PTPN13: variants seen among roughly 807,000 people sequenced by gnomAD.
PTPN13 encodes tyrosine-protein phosphatase non-receptor type 13.
PTPN13 carries 191 observed loss-of-function variants against 284.0 expected under a neutral mutation model. That is an observed-to-expected ratio of 0.67 (90% CI 0.60 to 0.76). PTPN13 has a LOEUF of 0.76. PTPN13 is among the 30% of genes least tolerant of loss of function. The pLI, the probability that PTPN13 is intolerant of heterozygous loss-of-function variation, is 0.00. For synonymous variants in PTPN13, 986 were observed against 1,022.3 expected, an observed-to-expected ratio of 0.96 and a Z score of 0.68; for missense variants, 2,797 against 2,939.9, an observed-to-expected ratio of 0.95 and a Z score of 1.12.
Position 86,735,762 on chromosome 4 carries a change from T to C in PTPN13, c.2304+16T>C, listed in dbSNP as rs759131069. The C allele has an allele frequency of 1.5e-5, 24 of 1,601,044 alleles. No individual in the cohort carries two copies. The Admixed American group carries it at 1.7e-4, about 12-fold the overall frequency. ...ATTTTTAAAGGTAAGCATCCAAGATTACAAATGATAAGCTTTGTATCTTTT... is the reference window on the plus strand; with the variant it reads ...ATTTTTAAAGGTAAGCATCCAAGATCACAAATGATAAGCTTTGTATCTTTT... On this transcript the variant is annotated intron_variant, in intron 15 of 47. Transcript: ENST00000411767.
chr4:86,695,050 G>A (rs1730460548), intron 6 of PTPN13, among the ~76,000 whole-genome samples: 1 of 152,124 alleles, frequency 6.6e-6, no homozygotes, highest in African/African-American at 2.4e-5. Flanking sequence ...TGAGAGGAAG[G>A]AATGTGTAAG....
chr4:86,719,986 T>C (rs1265128431), intron 9 of PTPN13, among the ~76,000 whole-genome samples: 1 of 152,220 alleles, frequency 6.6e-6, no homozygotes, highest in Non-Finnish European at 1.5e-5. Flanking sequence ...AAGCCAATAT[T>C]GAATTGCACT....
At chr4:86,758,904 C>G (rs773214361) in intron 22 of PTPN13, 38 bp from the exon 23 acceptor site, 2 of 1,599,248 alleles carry the variant, frequency 1.3e-6, no homozygotes, top group South Asian at 2.3e-5. Flanking sequence ...ATAAATGTAT[C>G]TTTGTTGTTG....
chr4:86,801,250 A>T (rs961745184), intron 42 of PTPN13, among the ~76,000 whole-genome samples: 2 of 152,258 alleles, frequency 1.3e-5, no homozygotes, highest in African/African-American at 4.8e-5. Flanking sequence ...ACCAGGGATA[A>T]CTGGCCCTGA....
intron 27 of PTPN13, among the ~76,000 whole-genome samples, chr4:86,767,553 T>TA (rs1327878795): frequency 6.6e-6 from 1 of 152,106 alleles, no homozygotes; most frequent in Non-Finnish European, 1.5e-5. Flanking sequence ...GCCATTATCA[T>TA]ACATTTCTAA....
rs180783777 is a variant in PTPN13 at position 86,806,028 on chromosome 4, A to T, written c.6745+659A>T. On this transcript the variant is annotated intron_variant, in intron 44 of 47. Transcript: ENST00000411767. ...AGAAATTAGCCGAGAGTGGTGGCTCATGCTTATAATCCCAGCTACTTGGGA... is the reference window on the plus strand; with the variant it reads ...AGAAATTAGCCGAGAGTGGTGGCTCTTGCTTATAATCCCAGCTACTTGGGA... Among the ~76,000 whole-genome samples, 9 of 152,118 alleles carry T rather than the reference A, an allele frequency of 5.9e-5. No individual in the cohort carries two copies. In the East Asian group the frequency reaches 1.2e-3, roughly 20 times the overall value.
chr4:86,595,276 C>T (rs1473989925), intron 1 of PTPN13, among the ~76,000 whole-genome samples: 3 of 151,468 alleles, frequency 2.0e-5, no homozygotes, highest in Non-Finnish European at 2.9e-5. Context: ...GGTGGGATGG[C>T]GGGGAAGCAG....
At chr4:86,714,536 TG>T (rs553483620) in intron 7 of PTPN13, among the ~76,000 whole-genome samples, 115 of 152,034 alleles carry the variant, frequency 7.6e-4, no homozygotes, top group African/African-American at 2.7e-3. Context: ...CATTCTTCTG[TG>T]GGGGGGAAAA....
chr4:86,742,987 C>G (rs1487656049), intron 16 of PTPN13, among the ~76,000 whole-genome samples: 1 of 152,066 alleles, frequency 6.6e-6, no homozygotes, highest in African/African-American at 2.4e-5. Flanking sequence ...GAAATTATTC[C>G]TATATTTAAT....
At chr4:86,701,905 C>T in intron 7 of PTPN13, 104 bp downstream of exon 7, 1 of 1,179,486 alleles carries the variant, frequency 8.5e-7, no homozygotes. Flanking sequence ...ATTTTCACTG[C>T]CAAATTTTTG....
intron 2 of PTPN13, among the ~76,000 whole-genome samples, chr4:86,662,952 A>T (rs1726677438): frequency 6.6e-6 from 1 of 152,142 alleles, no homozygotes; most frequent in Admixed American, 6.5e-5. Flanking sequence ...AAGTTTGAGG[A>T]TGCAGCCAGC....
rs372526415 is a variant in PTPN13, at chr4:86,807,652, A to G, written c.6838A>G (p.Ile2280Val). 7.5e-5 allele frequency: 121 copies of G among 1,614,016 alleles called. 1 individual carries two copies. The African/African-American group carries it at 1.2e-3, about 15-fold the overall frequency. Residue 2280 changes from isoleucine (I) to valine (V), a missense_variant, in exon 45 of 48, where the codon ATT becomes GTT. By Grantham distance (29) the Ile-to-Val change is conservative. Transcript: ENST00000411767. ...AGTTGGGAAAGAAGAGTTCGTTTAC[A>G]TTGCCTGCCAAGGACCACTGCCTAC... Reference protein sequence around the residue: ...IPVGKEEFVYIACQGPLPTTV... With the variant: ...IPVGKEEFVYVACQGPLPTTV...
Position 86,701,332 on chromosome 4 carries a change from A to G in PTPN13, c.726A>G (p.Gly242=), listed in dbSNP as rs1731133350. 6.2e-7 allele frequency: 1 copy of G among 1,612,400 alleles called. No homozygotes were observed. The highest frequency in any genetic ancestry group is 8.5e-7 in the Non-Finnish European group (1 of 1,178,806). ...FLNKGLSKSM[G]FLSIKDTQDE... is the part of the protein sequence containing the mutation. ...ACAAAGGGCTTAGTAAATCTATGGG[A>G]TTTCTGTCCATCAAAGATACACAAG... The change falls in exon 7 of 48, where the codon GGA becomes GGG. Residue 242 remains glycine (G), a synonymous_variant. Transcript: ENST00000411767.
chr4:86,628,841 T>G (rs1400025475), intron 1 of PTPN13, among the ~76,000 whole-genome samples: 1 of 150,046 alleles, frequency 6.7e-6, no homozygotes, highest in East Asian at 1.9e-4. Flanking sequence ...CTCATCATTT[T>G]TTATGGCTGC....
Position 86,672,499 on chromosome 4 carries a change from G to C in PTPN13, c.250G>C (p.Val84Leu). The C allele has an allele frequency of 6.2e-7, 1 of 1,607,476 alleles. No individual in the cohort carries two copies. Among genetic ancestry groups the C allele is most frequent in the Non-Finnish European group, 8.5e-7 (1 of 1,176,776 alleles). ...TCTTCGAGCATTCACTGCACCAGAG[G>C]TTCTTCAAAATCAGTCACTAACTTC... The part of the protein sequence containing the change: ...QDLRAFTAPE[V>L]LQNQSLTSLS... Residue 84 changes from valine (V) to leucine (L), a missense_variant, in exon 3 of 48, where the codon GTT becomes CTT. By Grantham distance (32) the Val-to-Leu change is conservative. Coordinates refer to ENST00000411767, the MANE Select transcript of PTPN13 (RefSeq NM_080683.3).
chr4:86,711,579 G>C (rs1305188906), intron 7 of PTPN13, among the ~76,000 whole-genome samples: 1 of 151,840 alleles, frequency 6.6e-6, no homozygotes, highest in East Asian at 1.9e-4. Context: ...TTCATTTTCT[G>C]TAACTGAAAA....
At chr4:86,702,132 C>T (rs527268945) in intron 7 of PTPN13, among the ~76,000 whole-genome samples, 8 of 152,248 alleles carry the variant, frequency 5.3e-5, no homozygotes, top group South Asian at 4.2e-4. Context: ...TCCACCATAC[C>T]GTCTACCATG....
At chr4:86,716,784 G>A (rs1412602470) in intron 8 of PTPN13, among the ~76,000 whole-genome samples, 159 bp downstream of exon 8, 1 of 152,130 alleles carries the variant, frequency 6.6e-6, no homozygotes. Flanking sequence ...TAGTATTATA[G>A]AAACTAAATA....
intron 2 of PTPN13, among the ~76,000 whole-genome samples, chr4:86,659,854 GA>G (rs1382088882): frequency 2.0e-5 from 3 of 149,982 alleles, no homozygotes; most frequent in Admixed American, 6.6e-5. Context: ...AAAAAAAAAA[GA>G]AAAAAACTTA....
Sources: gnomAD v4.1 joint callset for allele counts (sites outside exome capture counted in the v4.1 genomes callset) on GRCh38, gnomAD v4.1.1 for gene constraint, MANE v1.5 for transcripts, NCBI Gene and HGNC (gene_info 2026-07-23, HGNC 2026-07-21) for gene names.